The following ASTN2 variants were observed in gnomAD, a reference collection of about 807,000 sequenced individuals.
The protein encoded by ASTN2 is astrotactin-2.
A neutral mutation model predicts 139.8 loss-of-function variants in ASTN2; 54 were observed. That is an observed-to-expected ratio of 0.39 (90% CI 0.31 to 0.48). The LOEUF (loss-of-function observed/expected upper bound fraction) is 0.48. Ranked by LOEUF, ASTN2 falls within the 20% of genes least tolerant of loss-of-function variation. ASTN2 has a pLI of 0.95. For synonymous variants in ASTN2, 756 were observed against 719.5 expected (o/e 1.05, Z -0.81); for missense variants, 1,565 against 1,725.1 (o/e 0.91, Z 1.64).
chr9:116,685,765 T>C (rs542874707), intron 16 of ASTN2, among the ~76,000 whole-genome samples: 42 of 152,252 alleles, frequency 2.8e-4, no homozygotes, highest in African/African-American at 9.6e-4. Context: ...GATTTTTGTT[T>C]TAAGGGAGAA....
At position 117,292,151 on chromosome 9, in the gene ASTN2, A is replaced by G. The variant is rs541033342; in HGVS notation, c.443-638T>C. 4.9e-4 allele frequency among the ~76,000 whole-genome samples: 74 copies of G among 152,328 alleles called. No homozygotes were observed. In the South Asian group the frequency reaches 0.015, roughly 32 times the overall value. On this transcript the variant is annotated intron_variant, in intron 1 of 22. Coordinates refer to ENST00000313400, the MANE Select transcript of ASTN2 (RefSeq NM_001365068.1). ...CATAAAGTTTCCTTGGCTTAAAAAT[A>G]CTGGCAAAGCTACTGCCCCATCCCA...
chr9:116,551,150 A>T (rs1025919970), intron 19 of ASTN2: 1 of 152,172 alleles, frequency 6.6e-6, no homozygotes, highest in Non-Finnish European at 1.5e-5. Context: ...TAAAAAAATA[A>T]AAATTCCCAG....
rs116629322 is a variant in ASTN2 at position 117,029,457 on chromosome 9, A to G, written c.1423+10362T>C. On this transcript the variant is annotated intron_variant, in intron 6 of 22. Transcript: ENST00000313400. Reference sequence around the variant, plus strand: ...CACCTCCTTAAGACACCTTCTTCCCATCTCCAGCTTGGGATACTTGTGTGC... The same window carrying G: ...CACCTCCTTAAGACACCTTCTTCCCGTCTCCAGCTTGGGATACTTGTGTGC... 4.6e-3 allele frequency among the ~76,000 whole-genome samples: 696 copies of G among 152,142 alleles called. 6 individuals are homozygous for G. The highest frequency in any genetic ancestry group is 0.016 in the African/African-American group (675 of 41,516).
At chr9:116,969,721 A>G (rs908892588) in intron 10 of ASTN2, among the ~76,000 whole-genome samples, 2 of 152,142 alleles carry the variant, frequency 1.3e-5, no homozygotes, top group African/African-American at 4.8e-5. Flanking sequence ...TAAGTAGGTG[A>G]TCCATTCCTT....
chr9:116,781,707 T>C (rs1001161071), intron 13 of ASTN2, among the ~76,000 whole-genome samples: 1 of 152,164 alleles, frequency 6.6e-6, no homozygotes, highest in Non-Finnish European at 1.5e-5. Context: ...GATTCCTCCA[T>C]GGGTTTCTTG....
chr9:116,927,797 T>A (rs1394533109), intron 10 of ASTN2, among the ~76,000 whole-genome samples: 1 of 152,226 alleles, frequency 6.6e-6, no homozygotes, highest in South Asian at 2.1e-4. Flanking sequence ...CCCAGGATCA[T>A]GCTCACATAA....
rs566682373 is a variant in ASTN2, at chr9:116,457,241, C to T, written c.3498-14688G>A. Among the ~76,000 whole-genome samples the T allele has an allele frequency of 5.3e-5, 8 of 152,114 alleles. No homozygotes were observed. In the South Asian group the frequency reaches 8.3e-4, roughly 16 times the overall value. On this transcript the variant is annotated intron_variant, in intron 20 of 22. Transcript: ENST00000313400. ...AAGTTACATCTAAGACCTCATATTA[C>T]GAAACTACTACAAGAAAACACTGGG...
intron 10 of ASTN2, among the ~76,000 whole-genome samples, chr9:116,878,702 A>C (rs1833368192): frequency 6.6e-6 from 1 of 151,760 alleles, no homozygotes; most frequent in African/African-American, 2.4e-5. Flanking sequence ...CCAGAACTTA[A>C]ACTTATTTTT....
At chr9:116,767,672 C>G (rs1405956139) in intron 13 of ASTN2, among the ~76,000 whole-genome samples, 1 of 152,198 alleles carries the variant, frequency 6.6e-6, no homozygotes, top group Non-Finnish European at 1.5e-5. Flanking sequence ...GTCCTCCACA[C>G]ATCACAGAAC....
At chr9:116,445,910 G>T (rs1847973147) in intron 20 of ASTN2, among the ~76,000 whole-genome samples, 1 of 152,184 alleles carries the variant, frequency 6.6e-6, no homozygotes, top group Admixed American at 6.5e-5. Context: ...CTGCTGGGGG[G>T]TGGAGAAAGA....
At chr9:116,863,501 C>T (rs999762390) in intron 11 of ASTN2, 82 bp downstream of exon 11, 48 of 1,535,444 alleles carry the variant, frequency 3.1e-5, no homozygotes, top group African/African-American at 2.5e-4. Context: ...TCCTTACCAG[C>T]GTTCCCTCGC....
chr9:116,635,854 T>C (rs1201782167), intron 17 of ASTN2, among the ~76,000 whole-genome samples: 1 of 152,208 alleles, frequency 6.6e-6, no homozygotes, highest in East Asian at 1.9e-4. Flanking sequence ...TCATTGAGTT[T>C]TGAGACAAAA....
chr9:116,601,473 G>A (rs1453652829), intron 19 of ASTN2, among the ~76,000 whole-genome samples: 1 of 152,234 alleles, frequency 6.6e-6, no homozygotes. Context: ...TTGAAAGGGA[G>A]GGAAAAGTGG....
intron 10 of ASTN2, among the ~76,000 whole-genome samples, chr9:116,919,191 G>A (rs1386333981): frequency 6.6e-6 from 1 of 152,176 alleles, no homozygotes; most frequent in Non-Finnish European, 1.5e-5. Flanking sequence ...TCAGTTCCCA[G>A]CTTACCTGAT....
chr9:116,655,765 A>T (rs902321596), intron 16 of ASTN2, among the ~76,000 whole-genome samples: 1 of 152,104 alleles, frequency 6.6e-6, no homozygotes, highest in Non-Finnish European at 1.5e-5. Flanking sequence ...ATCTCAGCTC[A>T]CTGAAATCTC....
intron 19 of ASTN2, among the ~76,000 whole-genome samples, chr9:116,594,857 G>A (rs1854502181): frequency 6.6e-6 from 1 of 152,080 alleles, no homozygotes; most frequent in South Asian, 2.1e-4. Flanking sequence ...CTCCTAGCAT[G>A]GTCCCCATAC....
At chr9:116,657,407 T>C (rs1479075583) in intron 16 of ASTN2, among the ~76,000 whole-genome samples, 1 of 152,208 alleles carries the variant, frequency 6.6e-6, no homozygotes, top group Non-Finnish European at 1.5e-5. Flanking sequence ...TACATGACAT[T>C]AAAATTGAAA....
chr9:116,687,333 A>AGGCGGGTGGGCTGCC, intron 16 of ASTN2: 1 of 927,958 alleles, frequency 1.1e-6, no homozygotes, highest in Non-Finnish European at 1.3e-6. Context: ...AGAGGGAGGC[A>AGGCGGGTGGGCTGCC]GGCGGGTGGG....
At chr9:116,869,286 TC>T (rs1833093852) in intron 10 of ASTN2, among the ~76,000 whole-genome samples, 1 of 152,182 alleles carries the variant, frequency 6.6e-6, no homozygotes, top group South Asian at 2.1e-4. Context: ...AGGCCTTGTT[TC>T]TAAATAAGGC....
Sources: allele counts gnomAD v4.1 joint callset (sites outside exome capture counted in the v4.1 genomes callset), GRCh38; gene constraint gnomAD v4.1.1; transcripts MANE v1.5; gene names NCBI Gene and HGNC (gene_info 2026-07-23, HGNC 2026-07-21).